Variants in ABAT observed in about 807,000 individuals in gnomAD.
ABAT encodes 4-aminobutyrate aminotransferase, mitochondrial.
ABAT carries 45 observed loss-of-function variants against 64.6 expected under a neutral mutation model. The ratio of observed to expected loss-of-function variants is 0.70; its 90% CI spans 0.55 to 0.89. The LOEUF (loss-of-function observed/expected upper bound fraction) is 0.89. ABAT is among the 40% of genes least tolerant of loss of function. The pLI is 0.00. For synonymous variants in ABAT, 297 were observed against 250.5 expected, an observed-to-expected ratio of 1.19 and a Z score of -1.75; for missense variants, 633 against 658.4, an observed-to-expected ratio of 0.96 and a Z score of 0.42.
At chr16:8,780,764 A>T (rs1641030) in intron 15 of ABAT, 7,265 of 55,316 alleles carry the variant, frequency 0.13, 224 homozygotes, top group Middle Eastern at 0.2. Context: ...CTCCATCTCT[A>T]AAAAAAAAAA....
At chr16:8,726,172 G>C (rs984822053) in intron 1 of ABAT, among the ~76,000 whole-genome samples, 1 of 151,576 alleles carries the variant, frequency 6.6e-6, no homozygotes, top group Admixed American at 6.6e-5. Flanking sequence ...AAATAAGTGA[G>C]AACACATGCC....
rs1213602640 is a variant in ABAT at position 8,782,875 on chromosome 16, G to A, written c.*1445G>A. 1 of 152,108 alleles carries A rather than the reference G, an allele frequency of 6.6e-6. No individual in the cohort carries two copies. Among genetic ancestry groups the A allele is most frequent in the Non-Finnish European group, 1.5e-5 (1 of 68,030 alleles). 9.4% of individuals were successfully genotyped at this position (152,108 alleles called of 1,614,324 possible). Reference sequence around the variant, plus strand: ...CTATTTTGGAAATAGGCATATCAAGGTTCCTGATTCAGCACTTTGCTCTTT... The same window carrying A: ...CTATTTTGGAAATAGGCATATCAAGATTCCTGATTCAGCACTTTGCTCTTT... On this transcript the variant is annotated 3_prime_UTR_variant, in exon 16 of 16. Coordinates refer to ENST00000268251, the MANE Select transcript of ABAT (RefSeq NM_020686.6).
chr16:8,694,401 T>G (rs929744693), intron 1 of ABAT, among the ~76,000 whole-genome samples: 1 of 151,628 alleles, frequency 6.6e-6, no homozygotes. Flanking sequence ...TGTTTTGTTT[T>G]GTTTTTGAGA....
chr16:8,693,149 C>T (rs138153696), intron 1 of ABAT, among the ~76,000 whole-genome samples: 3 of 152,174 alleles, frequency 2.0e-5, no homozygotes, highest in African/African-American at 7.2e-5. Context: ...GCCACAATGC[C>T]CAGCCTCCAT....
chr16:8,753,797 T>A (rs1321366010), intron 5 of ABAT, among the ~76,000 whole-genome samples: 1 of 152,128 alleles, frequency 6.6e-6, no homozygotes, highest in East Asian at 1.9e-4. Flanking sequence ...TTGGTCCCCC[T>A]CCAAGGCTGT....
intron 9 of ABAT, among the ~76,000 whole-genome samples, chr16:8,767,027 T>A (rs1048325872): frequency 3.3e-5 from 5 of 152,048 alleles, no homozygotes; most frequent in Non-Finnish European, 7.4e-5. Flanking sequence ...TGGGAGGAGT[T>A]CTTAGGGTTT....
At chr16:8,686,449 C>T (rs1266621276) in intron 1 of ABAT, among the ~76,000 whole-genome samples, 4 of 152,124 alleles carry the variant, frequency 2.6e-5, no homozygotes, top group Admixed American at 6.5e-5. Flanking sequence ...TGCAGAGAAC[C>T]CTGGACAGAG....
intron 1 of ABAT, among the ~76,000 whole-genome samples, chr16:8,726,432 T>C (rs1467557722): frequency 6.6e-6 from 1 of 151,772 alleles, no homozygotes; most frequent in Non-Finnish European, 1.5e-5. Flanking sequence ...AGATGATTTT[T>C]GTTTTTTGTA....
At chr16:8,735,882 G>T in intron 2 of ABAT, 73 bp downstream of exon 2, 1 of 1,379,882 alleles carries the variant, frequency 7.2e-7, no homozygotes, top group Admixed American at 2.0e-5. Context: ...TCCTGGGCTG[G>T]AAGAGCCCTT....
chr16:8,733,504 A>C (rs538424005), intron 1 of ABAT, among the ~76,000 whole-genome samples: 1 of 151,818 alleles, frequency 6.6e-6, no homozygotes, highest in Non-Finnish European at 1.5e-5. Flanking sequence ...AGGTTGTAGC[A>C]AGCCGAGATC....
chr16:8,725,351 G>A (rs899987416), intron 1 of ABAT, among the ~76,000 whole-genome samples: 1 of 151,888 alleles, frequency 6.6e-6, no homozygotes, highest in Non-Finnish European at 1.5e-5. Flanking sequence ...GGAGACCCCC[G>A]TACCCATTAA....
chr16:8,747,103 A>C (rs1188918616), intron 3 of ABAT, among the ~76,000 whole-genome samples: 1 of 152,176 alleles, frequency 6.6e-6, no homozygotes, highest in Admixed American at 6.6e-5. Context: ...TGGGTTCCGC[A>C]TGGGTCCGCC....
At chr16:8,711,054 G>A (rs1298321994) in intron 1 of ABAT, among the ~76,000 whole-genome samples, 1 of 152,134 alleles carries the variant, frequency 6.6e-6, no homozygotes, top group African/African-American at 2.4e-5. Flanking sequence ...TGGACAATTA[G>A]GTTATTTTCA....
intron 1 of ABAT, chr16:8,712,794 C>A (rs948944799): frequency 1.3e-5 from 2 of 152,314 alleles, no homozygotes; most frequent in African/African-American, 4.8e-5. Flanking sequence ...CCATTGGTTG[C>A]CTCGGCAACG....
In ABAT at chr16:8,776,389, C is replaced by T. The variant is rs537999087; in HGVS notation, c.1168C>T (p.Leu390=). The T allele has an allele frequency of 6.2e-7, 1 of 1,614,244 alleles. No homozygotes were observed. The highest frequency in any genetic ancestry group is 8.5e-7 in the Non-Finnish European group (1 of 1,180,048). Residue 390 remains leucine, a synonymous_variant, in exon 14 of 16, where the codon CTG becomes TTG. Coordinates refer to ENST00000268251, the MANE Select transcript of ABAT (RefSeq NM_020686.6). The surrounding 1 kb of genome is among the most constrained non-coding windows in gnomAD (Gnocchi z 4.4). ...NTWLGDPSKN[L]LLAEVINIIK... is the part of the protein sequence containing the mutation. The stretch of plus-strand genomic sequence containing the variant: ...CTGGCTGGGGGACCCGTCCAAGAAC[C>T]TGTTGCTGGCTGAGGTCATCAACAT...
At chr16:8,739,056 G>C (rs957213755) in intron 2 of ABAT, among the ~76,000 whole-genome samples, 1 of 152,250 alleles carries the variant, frequency 6.6e-6, no homozygotes, top group Non-Finnish European at 1.5e-5. Context: ...GTCAGAAAGA[G>C]AGTCTGGCAC....
At chr16:8,702,494 C>A (rs1438405080) in intron 1 of ABAT, among the ~76,000 whole-genome samples, 4 of 152,124 alleles carry the variant, frequency 2.6e-5, no homozygotes, top group African/African-American at 7.2e-5. Flanking sequence ...CTCAAGTAAT[C>A]CTCCCGCCTC....
intron 3 of ABAT, 52 bp downstream of exon 3, chr16:8,746,150 T>C: frequency 7.0e-7 from 1 of 1,433,228 alleles, no homozygotes; most frequent in Non-Finnish European, 9.8e-7. Flanking sequence ...AAAAGGCGCC[T>C]AAGAAGCAAA....
intron 5 of ABAT, among the ~76,000 whole-genome samples, chr16:8,753,621 A>T (rs945518174): frequency 9.2e-5 from 14 of 152,360 alleles, no homozygotes; most frequent in Non-Finnish European, 1.5e-4. Context: ...AAAGTCATGA[A>T]CACACAGGCA....
Sources: gnomAD v4.1 joint callset for allele counts (sites outside exome capture counted in the v4.1 genomes callset) on GRCh38, gnomAD v4.1.1 for gene constraint, Gnocchi (gnomAD v3.1) non-coding constraint, MANE v1.5 for transcripts, NCBI Gene and HGNC (gene_info 2026-07-23, HGNC 2026-07-21) for gene names.